CNTN5: variants seen among roughly 807,000 people sequenced by gnomAD.
CNTN5 encodes the protein contactin-5.
In CNTN5, 77 loss-of-function variants were observed where a neutral mutation model predicts 129.1. The ratio of observed to expected loss-of-function variants is 0.60; its 90% CI spans 0.50 to 0.72. The LOEUF is 0.72. Among genes scored for constraint, CNTN5 ranks in the 30% least tolerant of loss-of-function variants. The probability of loss-of-function intolerance (pLI) is 0.00; values close to 1 mark genes in which losing one functional copy is unlikely to be tolerated. For synonymous variants in CNTN5, 509 were observed against 465.6 expected (o/e 1.09, Z -1.20); for missense variants, 1,478 against 1,328.8 (o/e 1.11, Z -1.75).
intron 7 of CNTN5, among the ~76,000 whole-genome samples, chr11:99,950,695 G>A (rs1438035627): frequency 1.3e-5 from 2 of 152,148 alleles, no homozygotes; most frequent in African/African-American, 4.8e-5. Context: ...AGTTTATCCT[G>A]AGCCAATAGC....
At chr11:99,856,951 C>T (rs180781264) in intron 6 of CNTN5, among the ~76,000 whole-genome samples, 4 of 152,078 alleles carry the variant, frequency 2.6e-5, no homozygotes, top group Admixed American at 2.0e-4. Context: ...TGTTCAATAA[C>T]CCACGTCTCT....
At chr11:99,856,083 A>G (rs1948025300) in intron 6 of CNTN5, among the ~76,000 whole-genome samples, 1 of 152,184 alleles carries the variant, frequency 6.6e-6, no homozygotes, top group Non-Finnish European at 1.5e-5. Context: ...AGGCTCACTA[A>G]TTACCTACGT....
chr11:99,189,596 C>T (rs149180437), intron 1 of CNTN5, among the ~76,000 whole-genome samples: 248 of 151,594 alleles, frequency 1.6e-3, no homozygotes, highest in Non-Finnish European at 3.0e-3. Flanking sequence ...TGTTAAGTGA[C>T]GTGGTGGTGT....
intron 3 of CNTN5, among the ~76,000 whole-genome samples, chr11:99,564,300 C>T (rs1948936214): frequency 6.6e-6 from 1 of 151,870 alleles, no homozygotes; most frequent in African/African-American, 2.4e-5. Context: ...ACTAAGTTGG[C>T]TGGTTTTGAA....
intron 3 of CNTN5, among the ~76,000 whole-genome samples, chr11:99,579,770 C>G (rs1270571379): frequency 6.7e-6 from 1 of 150,242 alleles, no homozygotes; most frequent in East Asian, 1.9e-4. Flanking sequence ...ATGATGTCAT[C>G]TGCAAACAGG....
At chr11:99,806,291 C>T (rs1475804121) in intron 3 of CNTN5, among the ~76,000 whole-genome samples, 1 of 152,006 alleles carries the variant, frequency 6.6e-6, no homozygotes, top group Non-Finnish European at 1.5e-5. Flanking sequence ...TGGAATTTTA[C>T]ATAGTATTTA....
At chr11:99,981,588 T>G (rs1448633789) in intron 8 of CNTN5, among the ~76,000 whole-genome samples, 1 of 152,176 alleles carries the variant, frequency 6.6e-6, no homozygotes, top group Non-Finnish European at 1.5e-5. Flanking sequence ...TTCTTGGTAT[T>G]GCTTAACGTA....
chr11:100,130,620 T>C (rs1946343290), intron 13 of CNTN5, among the ~76,000 whole-genome samples: 1 of 152,018 alleles, frequency 6.6e-6, no homozygotes, highest in Non-Finnish European at 1.5e-5. Flanking sequence ...AGAACTGTGC[T>C]TGAGTACCCA....
chr11:99,989,459 T>C (rs1938909160), intron 8 of CNTN5, among the ~76,000 whole-genome samples: 1 of 152,094 alleles, frequency 6.6e-6, no homozygotes, highest in African/African-American at 2.4e-5. Context: ...GTACCAACTT[T>C]TTTTTTCTTT....
chr11:100,035,130 C>A (rs1199070634), intron 9 of CNTN5, among the ~76,000 whole-genome samples: 1 of 152,096 alleles, frequency 6.6e-6, no homozygotes, highest in Non-Finnish European at 1.5e-5. Flanking sequence ...ACTCCTCCCA[C>A]CCCACAACAG....
chr11:99,312,933 C>T (rs1865175807), intron 1 of CNTN5, among the ~76,000 whole-genome samples: 1 of 151,676 alleles, frequency 6.6e-6, no homozygotes, highest in African/African-American at 2.4e-5. Flanking sequence ...TGAAGGTACT[C>T]ATTCTATTCA....
intron 1 of CNTN5, among the ~76,000 whole-genome samples, chr11:99,240,486 C>T (rs1002242857): frequency 6.6e-6 from 1 of 152,142 alleles, no homozygotes; most frequent in African/African-American, 2.4e-5. Flanking sequence ...ATATGGAAAG[C>T]TTTCAGGGCT....
chr11:99,832,705 T>A (rs1289600859), intron 4 of CNTN5, among the ~76,000 whole-genome samples: 4 of 152,174 alleles, frequency 2.6e-5, no homozygotes, highest in Non-Finnish European at 5.9e-5. Context: ...TAAAATATAA[T>A]TTCTAGTTAA....
intron 13 of CNTN5, among the ~76,000 whole-genome samples, chr11:100,118,135 A>C (rs1218347668): frequency 6.6e-6 from 1 of 151,892 alleles, no homozygotes; most frequent in East Asian, 1.9e-4. Flanking sequence ...TATGAGATAA[A>C]TATGTATTTA....
chr11:99,908,953 C>G (rs61911650), intron 6 of CNTN5, among the ~76,000 whole-genome samples: 2,370 of 152,142 alleles, frequency 0.016, 29 homozygotes, highest in Non-Finnish European at 0.024. Context: ...CAAGAGATTA[C>G]TCATCTGACC....
At chr11:99,208,698 AT>A (rs1859607504) in intron 1 of CNTN5, among the ~76,000 whole-genome samples, 1 of 152,138 alleles carries the variant, frequency 6.6e-6, no homozygotes, top group Non-Finnish European at 1.5e-5. Context: ...CAATTAGGAA[AT>A]GGTGAGGGAA....
At chr11:99,608,459 A>T (rs1359526489) in intron 3 of CNTN5, among the ~76,000 whole-genome samples, 2 of 152,182 alleles carry the variant, frequency 1.3e-5, no homozygotes, top group African/African-American at 4.8e-5. Flanking sequence ...TTATTTGGAG[A>T]TTGGGCCTTT....
Position 99,848,239 on chromosome 11 carries a change from G to T in CNTN5, c.577+2977G>T, listed in dbSNP as rs181715302. Among the ~76,000 whole-genome samples, 339 of 152,004 alleles carry T rather than the reference G, an allele frequency of 2.2e-3. 4 individuals are homozygous for T. Among genetic ancestry groups the T allele is most frequent in the African/African-American group, 7.8e-3 (325 of 41,472 alleles). On this transcript the variant is annotated intron_variant, in intron 6 of 24. Coordinates refer to ENST00000524871, the MANE Select transcript of CNTN5 (RefSeq NM_014361.4). ...CAAAACAAAACAAACAAAAAATTCG[G>T]TTGGCAACTTTCCTTTACATTGAGA...
At chr11:99,869,167 T>C (rs1169165154) in intron 6 of CNTN5, among the ~76,000 whole-genome samples, 2 of 152,232 alleles carry the variant, frequency 1.3e-5, no homozygotes, top group African/African-American at 4.8e-5. Flanking sequence ...CCGTAGATTT[T>C]TGTTAGGTTT....
Sources: gnomAD v4.1 joint callset for allele counts (sites outside exome capture counted in the v4.1 genomes callset) on GRCh38, gnomAD v4.1.1 for gene constraint, MANE v1.5 for transcripts, NCBI Gene and HGNC (gene_info 2026-07-23, HGNC 2026-07-21) for gene names.